Variants in C4orf50 observed in about 807,000 individuals in gnomAD.
C4orf50 encodes the protein chromosome 4 open reading frame 50, also known as uncharacterized protein C4orf50.
Under a neutral mutation model 77.2 loss-of-function variants are expected in C4orf50, and 80 were observed. The ratio of observed to expected loss-of-function variants is 1.04; its 90% CI spans 0.87 to 1.25. The LOEUF (loss-of-function observed/expected upper bound fraction) is 1.25. Among genes scored for constraint, C4orf50 ranks in the 50% most tolerant of loss-of-function variants. The pLI is 0.00. For synonymous variants in C4orf50, 532 were observed against 465.3 expected (o/e 1.14, Z -1.84); for missense variants, 1,257 against 1,152.9 (o/e 1.09, Z -1.31).
chr4:5,959,288 C>T, exon 34 of C4orf50: 1 of 1,448,138 alleles, frequency 6.9e-7, no homozygotes, highest in Non-Finnish European at 9.4e-7. Context: ...GCTCTGATTG[C>T]TACCAATTTC....
intron 33 of C4orf50, among the ~76,000 whole-genome samples, chr4:5,964,645 G>A (rs1719456674): frequency 2.0e-5 from 3 of 151,832 alleles, no homozygotes; most frequent in Non-Finnish European, 2.9e-5. Flanking sequence ...GTGGGCGCCT[G>A]TAATCCCAGA....
chr4:5,922,224 G>A (rs745619477), intron 7 of C4orf50, among the ~76,000 whole-genome samples: 10 of 152,172 alleles, frequency 6.6e-5, no homozygotes, highest in African/African-American at 1.9e-4. Flanking sequence ...GGCCCACTGC[G>A]ATGCACGTGA....
intron 7 of C4orf50, among the ~76,000 whole-genome samples, chr4:5,944,627 G>T (rs748948778): frequency 6.6e-6 from 1 of 152,118 alleles, no homozygotes; most frequent in African/African-American, 2.4e-5. Context: ...CACCCCCCAC[G>T]CCTGGCCTGT....
At position 6,011,050 on chromosome 4, in the gene C4orf50, C is replaced by G. The variant is rs572896864; in HGVS notation, c.426+780G>C. 3.3e-5 allele frequency among the ~76,000 whole-genome samples: 5 copies of G among 152,326 alleles called. No individual in the cohort carries two copies. The East Asian group carries it at 7.7e-4, about 24-fold the overall frequency. ...CCAGGGTTTGGCTCCAGGCCTCTGC[C>G]TCCAGAGCCCCCCACCCTTAACTGC... is the stretch of plus-strand genomic sequence containing the variant. On this transcript the variant is annotated intron_variant, in intron 24 of 33. Coordinates refer to ENST00000531445, the Ensembl canonical transcript of C4orf50. The surrounding 1 kb of genome is among the most constrained non-coding windows in gnomAD (Gnocchi z 4.2).
intron 7 of C4orf50, among the ~76,000 whole-genome samples, chr4:5,929,491 T>A (rs1397537785): frequency 1.3e-5 from 2 of 152,244 alleles, no homozygotes; most frequent in Non-Finnish European, 2.9e-5. Flanking sequence ...CGCACTTTTA[T>A]AAACCCAAGA....
chr4:5,988,433 C>A lies in C4orf50; in HGVS notation c.3613G>T (p.Glu1205Ter), dbSNP rs1428141373. ...TTCTCCTCTTTCTCCAAATGTGCTT[C>A]TTTCACTTCTGCTCCACTGACATTT... is the stretch of plus-strand genomic sequence containing the variant. Residue 1205 changes from glutamate (E) to a stop codon, truncating the protein, a stop_gained, in exon 28 of 34, where the codon GAA becomes TAA. Coordinates refer to ENST00000531445, the Ensembl canonical transcript of C4orf50. LOFTEE classifies it high-confidence loss of function. 1 of 1,603,818 alleles carries A rather than the reference C, an allele frequency of 6.2e-7. No individual in the cohort carries two copies. Among genetic ancestry groups the A allele is most frequent in the Non-Finnish European group, 8.5e-7 (1 of 1,175,826 alleles).
chr4:5,959,008 T>G (rs768584658), exon 34 of C4orf50: 1 of 217,044 alleles, frequency 4.6e-6, no homozygotes, highest in East Asian at 1.0e-4. Flanking sequence ...ACCCACCAGA[T>G]GCCAGTAGCA....
chr4:5,954,398 A>G (rs1031186086), downstream of C4orf50, among the ~76,000 whole-genome samples: 1 of 151,670 alleles, frequency 6.6e-6, no homozygotes, highest in African/African-American at 2.4e-5. This position sits in a 1 kb window ranked among gnomAD's most constrained non-coding sequence, Gnocchi z 4.7. Context: ...ATGCTAAATT[A>G]CTCTCGGCCA....
intron 25 of C4orf50, among the ~76,000 whole-genome samples, chr4:5,999,255 T>G (rs1227486750): frequency 6.6e-6 from 1 of 152,220 alleles, no homozygotes; most frequent in Non-Finnish European, 1.5e-5. Context: ...GGGCCAAGCC[T>G]GTGCCTCCTT....
In C4orf50 at chr4:6,008,447, C is replaced by G; in HGVS notation, c.512G>C (p.Gly171Ala). ...GCGCTCCAGGGCCGCCGCCTGCTGC[C>G]CCAGTGCCTCGTCCTTGCGCCGCAA... Residue 171 changes from glycine to alanine, a missense_variant, in exon 25 of 34, where the codon GGG (glycine) becomes GCG (alanine). Transcript: ENST00000531445. This position sits in a 1 kb window ranked among gnomAD's most constrained non-coding sequence, Gnocchi z 6.0. The G allele has an allele frequency of 2.5e-6, 1 of 397,186 alleles. No individual in the cohort carries two copies. Among genetic ancestry groups the G allele is most frequent in the East Asian group, 3.6e-5 (1 of 27,974 alleles). The allele number at this position is 397,186 out of a possible 1,614,324, so 24.6% of individuals were successfully genotyped here.
intron 25 of C4orf50, among the ~76,000 whole-genome samples, chr4:5,997,700 G>C (rs1721654511): frequency 6.6e-6 from 1 of 152,232 alleles, no homozygotes; most frequent in Non-Finnish European, 1.5e-5. Context: ...GCATAAACAT[G>C]AATGTGTTAG....
At chr4:6,004,861 G>C (rs1722185923) in intron 25 of C4orf50, among the ~76,000 whole-genome samples, 1 of 152,030 alleles carries the variant, frequency 6.6e-6, no homozygotes, top group Non-Finnish European at 1.5e-5. Flanking sequence ...TGGTGGTGAT[G>C]ATGCTGACAG....
chr4:5,989,351 G>A (rs1356430562), exon 28 of C4orf50: 5 of 1,535,928 alleles, frequency 3.3e-6, no homozygotes, highest in Non-Finnish European at 4.4e-6. Context: ...TCCCAATGAG[G>A]CAGTGTCCCT....
chr4:5,933,796 C>T (rs1717874416), intron 7 of C4orf50, among the ~76,000 whole-genome samples: 1 of 152,138 alleles, frequency 6.6e-6, no homozygotes, highest in African/African-American at 2.4e-5. Flanking sequence ...ACTGACGCAC[C>T]CCTGGGAGGC....
intron 28 of C4orf50, among the ~76,000 whole-genome samples, chr4:5,980,881 A>G (rs1416479512): frequency 2.0e-5 from 3 of 152,186 alleles, no homozygotes; most frequent in Non-Finnish European, 4.4e-5. Context: ...TGAATACACA[A>G]TTGCCTGTCA....
At chr4:5,927,139 C>T (rs1394732923) in intron 7 of C4orf50, among the ~76,000 whole-genome samples, 3 of 152,118 alleles carry the variant, frequency 2.0e-5, no homozygotes, top group African/African-American at 4.8e-5. Flanking sequence ...GAATGTCTGG[C>T]GGTGCAGTCT....
intron 7 of C4orf50, among the ~76,000 whole-genome samples, chr4:5,944,072 G>C (rs1042672666): frequency 6.6e-6 from 1 of 152,178 alleles, no homozygotes; most frequent in African/African-American, 2.4e-5. Flanking sequence ...ACATGTCTCT[G>C]ACATACAGAG....
At chr4:5,914,343 T>G (rs557014933) in intron 7 of C4orf50, among the ~76,000 whole-genome samples, 26 of 152,034 alleles carry the variant, frequency 1.7e-4, no homozygotes, top group African/African-American at 5.5e-4. Context: ...TAGCTAGGAC[T>G]ATAGGCGCCT....
chr4:6,001,931 C>G (rs955707526), intron 25 of C4orf50, among the ~76,000 whole-genome samples: 7 of 152,236 alleles, frequency 4.6e-5, no homozygotes, highest in Non-Finnish European at 7.3e-5. Flanking sequence ...CATGTGAGGG[C>G]CCTGGGAGGA....
Sources: allele counts gnomAD v4.1 joint callset (sites outside exome capture counted in the v4.1 genomes callset), GRCh38; gene constraint gnomAD v4.1.1; non-coding constraint Gnocchi (gnomAD v3.1); transcripts MANE v1.5; gene names NCBI Gene and HGNC (gene_info 2026-07-23, HGNC 2026-07-21).